The following HIPK3 variants were observed in gnomAD, a reference collection of about 807,000 sequenced individuals.
HIPK3 encodes homeodomain-interacting protein kinase 3.
A neutral mutation model predicts 124.2 loss-of-function variants in HIPK3; 47 were observed. The ratio of observed to expected loss-of-function variants is 0.38; its 90% CI spans 0.30 to 0.48. The LOEUF is 0.48. Ranked by LOEUF, HIPK3 falls within the 20% of genes least tolerant of loss-of-function variation. HIPK3 has a pLI of 0.98. For missense variants in HIPK3, 1,286 were observed against 1,454.3 expected (o/e 0.88, Z 1.88); for synonymous variants, 482 against 515.2 (o/e 0.94, Z 0.87).
At chr11:33,258,528 G>C (rs1169964534) in intron 1 of HIPK3, 12 of 985,390 alleles carry the variant, frequency 1.2e-5, no homozygotes, top group African/African-American at 1.7e-5. Flanking sequence ...CCCCAGCGGC[G>C]GCGGGAGGAA....
At chr11:33,314,771 T>A (rs1852448690) in intron 2 of HIPK3, among the ~76,000 whole-genome samples, 1 of 152,244 alleles carries the variant, frequency 6.6e-6, no homozygotes, top group Non-Finnish European at 1.5e-5. Context: ...TTATTGCAGT[T>A]AAATAATTTT....
intron 2 of HIPK3, among the ~76,000 whole-genome samples, chr11:33,313,757 A>G (rs551251086): frequency 3.2e-4 from 49 of 152,224 alleles, no homozygotes; most frequent in Non-Finnish European, 6.6e-4. Flanking sequence ...ACGTGAGATC[A>G]CCTGATGAAC....
At chr11:33,352,333 G>A in intron 16 of HIPK3, 68 bp downstream of exon 16, 1 of 1,537,500 alleles carries the variant, frequency 6.5e-7, no homozygotes, top group Admixed American at 1.7e-5. Context: ...TCACGTGGAG[G>A]AGAAAGCTTC....
At chr11:33,318,223 A>C (rs1444947446) in intron 2 of HIPK3, among the ~76,000 whole-genome samples, 2 of 151,786 alleles carry the variant, frequency 1.3e-5, no homozygotes, top group East Asian at 3.9e-4. Context: ...TTTTTTTCTT[A>C]AATTTTTTTT....
At position 33,353,914 on chromosome 11, in the gene HIPK3, G is replaced by T; in HGVS notation, c.*346G>T. Reference sequence around the variant, plus strand: ...TGTGTACAGACTTAGAGCAACAGATGCACATATGTCAGAATTACAGCATAC... The same window carrying T: ...TGTGTACAGACTTAGAGCAACAGATTCACATATGTCAGAATTACAGCATAC... On this transcript the variant is annotated 3_prime_UTR_variant, in exon 17 of 17. Transcript: ENST00000303296. 3.9e-6 allele frequency: 1 copy of T among 256,864 alleles called. No individual in the cohort carries two copies. Among genetic ancestry groups the T allele is most frequent in the Non-Finnish European group, 7.6e-6 (1 of 131,736 alleles). 15.9% of individuals were successfully genotyped at this position (256,864 alleles called of 1,614,324 possible). A position where few individuals can be genotyped will look rare whatever the true frequency, so the allele number is the denominator to read the frequency against.
chr11:33,294,992 T>A (rs1246343726), intron 2 of HIPK3, among the ~76,000 whole-genome samples: 6 of 152,102 alleles, frequency 3.9e-5, no homozygotes, highest in Admixed American at 3.9e-4. Context: ...ATGGAGTCAC[T>A]CATGTCAAGT....
chr11:33,258,269 C>A (rs1354869125), intron 1 of HIPK3: 1 of 982,958 alleles, frequency 1.0e-6, no homozygotes, highest in Non-Finnish European at 1.2e-6. Context: ...TTGTTTAGTC[C>A]CACGGGGAGC....
Position 33,287,112 on chromosome 11 carries a change from C to T in HIPK3, c.698C>T (p.Ser233Phe). 2 of 1,614,170 alleles carry T rather than the reference C, an allele frequency of 1.2e-6. No individual in the cohort carries two copies. The highest frequency in any genetic ancestry group is 1.7e-5 in the Admixed American group (1 of 60,024). ...ATCAAAATTTTGAAGAATCATCCTT[C>T]TTATGCCCGTCAAGGTCAAATAGAA... Reference protein sequence around the residue: ...VAIKILKNHPSYARQGQIEVS... With the variant: ...VAIKILKNHPFYARQGQIEVS... Residue 233 changes from serine to phenylalanine, a missense_variant, in exon 2 of 17, where the codon TCT becomes TTT. Physicochemically the swap from Ser to Phe is radical, Grantham distance 155. Around this residue, in one of 3 missense-constraint regions of HIPK3, gnomAD observed 251 missense variants for 349.1 expected, o/e 0.72. Transcript: ENST00000303296.
At chr11:33,321,645 C>G (rs1383195307) in intron 2 of HIPK3, among the ~76,000 whole-genome samples, 1 of 152,034 alleles carries the variant, frequency 6.6e-6, no homozygotes, top group East Asian at 1.9e-4. Context: ...ACAAGGACAA[C>G]AGTGAGGATG....
At chr11:33,299,196 G>A (rs983337791) in intron 2 of HIPK3, among the ~76,000 whole-genome samples, 1 of 151,792 alleles carries the variant, frequency 6.6e-6, no homozygotes, top group African/African-American at 2.4e-5. Flanking sequence ...TTCTTGGGCC[G>A]GGCGCGGTGG....
Position 33,352,194 on chromosome 11 carries a change from C to T in HIPK3, c.3100C>T (p.Pro1034Ser). ...GRSAPGRLNQPSAVGTRQQKL... is the reference protein window; with the variant it reads ...GRSAPGRLNQSSAVGTRQQKL... ...ATCTGCCCCTGGAAGATTAAACCAG[C>T]CTTCTGCAGTGGGTACTCGTCAGCA... The change falls in exon 16 of 17, where the codon CCT becomes TCT. Residue 1034 changes from proline to serine, a missense_variant. Physicochemically the swap from Pro to Ser is moderately conservative, Grantham distance 74 (BLOSUM62 -1). Transcript: ENST00000303296. 2 of 1,613,742 alleles carry T rather than the reference C, an allele frequency of 1.2e-6. No individual in the cohort carries two copies. The highest frequency in any genetic ancestry group is 2.2e-5 in the South Asian group (2 of 91,080).
At chr11:33,352,066 TC>T in intron 15 of HIPK3, 71 bp from the exon 16 acceptor site, 4 of 1,436,200 alleles carry the variant, frequency 2.8e-6, no homozygotes, top group Non-Finnish European at 3.9e-6. Context: ...GTGTAAAATA[TC>T]TAAAGACTTT....
At chr11:33,261,848 C>T (rs973330253) in intron 1 of HIPK3, among the ~76,000 whole-genome samples, 4 of 152,148 alleles carry the variant, frequency 2.6e-5, no homozygotes, top group African/African-American at 9.7e-5. Flanking sequence ...AGTGTATCAG[C>T]CTCCCCTTTT....
intron 1 of HIPK3, among the ~76,000 whole-genome samples, chr11:33,266,833 A>G (rs1279288523): frequency 6.6e-6 from 1 of 152,192 alleles, no homozygotes; most frequent in Non-Finnish European, 1.5e-5. Context: ...AAGTGTTTTC[A>G]TTAAGGCTAA....
rs546981333 is a variant in HIPK3 at position 33,299,879 on chromosome 11, T to C, written c.1097+12368T>C. ...TCTCTACAAAAACACAAAAATTAGC[T>C]GAGCTTGGTGGTGTGTGTCTGTAGT... On this transcript the variant is annotated intron_variant, in intron 2 of 16. Transcript: ENST00000303296. Among the ~76,000 whole-genome samples the C allele has an allele frequency of 8.6e-5, 13 of 150,796 alleles. No individual in the cohort carries two copies. The South Asian group carries it at 2.5e-3, about 29-fold the overall frequency.
chr11:33,338,647 T>A (rs1853234486), intron 4 of HIPK3, 110 bp from the exon 5 acceptor site: 2 of 563,832 alleles, frequency 3.5e-6, no homozygotes, highest in Non-Finnish European at 5.8e-6. Context: ...ATAGTGTCTC[T>A]TTTGAAATTA....
Position 33,348,631 on chromosome 11 carries a change from C to A in HIPK3, c.2479C>A (p.Gln827Lys), listed in dbSNP as rs150770633. ...AAGTTGTATAGAAACACAGGACAAT[C>A]AGAACTCAGAAGGAGAGGCAAGAAA... Reference protein sequence around the residue: ...EVSCIETQDNQNSEGEARNCC... With the variant: ...EVSCIETQDNKNSEGEARNCC... The change falls in exon 13 of 17, where the codon CAG becomes AAG. Residue 827 changes from glutamine (Q) to lysine (K), a missense_variant. Physicochemically the swap from Gln to Lys is moderately conservative, Grantham distance 53. Transcript: ENST00000303296. 9.9e-6 allele frequency: 16 copies of A among 1,613,946 alleles called. No homozygotes were observed. Among genetic ancestry groups the A allele is most frequent in the Non-Finnish European group, 1.4e-5 (16 of 1,179,960 alleles).
chr11:33,279,075 A>G (rs1851344197), intron 1 of HIPK3, among the ~76,000 whole-genome samples: 1 of 152,152 alleles, frequency 6.6e-6, no homozygotes, highest in Non-Finnish European at 1.5e-5. Flanking sequence ...AACACTTGAG[A>G]GGCTGAGGTG....
chr11:33,311,671 G>T (rs368180607), intron 2 of HIPK3, among the ~76,000 whole-genome samples: 1 of 151,978 alleles, frequency 6.6e-6, no homozygotes, highest in Non-Finnish European at 1.5e-5. Context: ...TTGCTATCAC[G>T]CAAAGTCAGA....
Sources: gnomAD v4.1 joint callset for allele counts (sites outside exome capture counted in the v4.1 genomes callset) on GRCh38, gnomAD v4.1.1 for gene constraint, gnomAD v4.1.1 regional missense constraint, MANE v1.5 for transcripts, NCBI Gene and HGNC (gene_info 2026-07-23, HGNC 2026-07-21) for gene names.